Variants in PSEN1 observed in about 807,000 individuals in gnomAD.
PSEN1 encodes the protein presenilin-1.
In PSEN1, 15 loss-of-function variants were observed where a neutral mutation model predicts 53.5. That is an observed-to-expected ratio of 0.28 (90% CI 0.19 to 0.43). The LOEUF is 0.43. Ranked by LOEUF, PSEN1 falls within the 20% of genes least tolerant of loss-of-function variation. The pLI is 1.00. For missense variants in PSEN1, 387 were observed against 571.2 expected (o/e 0.68, Z 3.29); for synonymous variants, 208 against 209.8 (o/e 0.99, Z 0.08).
intron 8 of PSEN1, among the ~76,000 whole-genome samples, chr14:73,204,962 C>T (rs1008350203): frequency 6.6e-6 from 1 of 152,134 alleles, no homozygotes; most frequent in Non-Finnish European, 1.5e-5. Context: ...TTTAGTTAAA[C>T]AGTGTATTGC....
intron 5 of PSEN1, among the ~76,000 whole-genome samples, chr14:73,177,190 A>T (rs1898070597): frequency 6.6e-6 from 1 of 152,176 alleles, no homozygotes; most frequent in Non-Finnish European, 1.5e-5. Flanking sequence ...ATTATATTTT[A>T]ATCTCATGGT....
chr14:73,192,278 A>T (rs1898751044), intron 6 of PSEN1, among the ~76,000 whole-genome samples: 1 of 152,046 alleles, frequency 6.6e-6, no homozygotes, highest in Non-Finnish European at 1.5e-5. Flanking sequence ...TCTGTACAAA[A>T]AAAATTAGAA....
rs574528005 is a variant in PSEN1 at position 73,184,670 on chromosome 14, C to T, written c.481-2183C>T. Among the ~76,000 whole-genome samples, 67 of 64,374 alleles carry T rather than the reference C, an allele frequency of 1.0e-3. 1 individual carries two copies. The South Asian group carries it at 0.023, about 22-fold the overall frequency. The allele number at this position is 64,374 out of a possible 152,430, so 42.2% of individuals were successfully genotyped here. ...CTGACCCCCCCACCTCCCTCCCGGACGGAGCGGCTGGCGGGGCGGGGGGCT... is the reference window on the plus strand; with the variant it reads ...CTGACCCCCCCACCTCCCTCCCGGATGGAGCGGCTGGCGGGGCGGGGGGCT... On this transcript the variant is annotated intron_variant, in intron 5 of 11. Transcript: ENST00000324501.
At chr14:73,153,544 A>C (rs1330981165) in intron 3 of PSEN1, among the ~76,000 whole-genome samples, 1 of 152,120 alleles carries the variant, frequency 6.6e-6, no homozygotes, top group Non-Finnish European at 1.5e-5. Flanking sequence ...AATGTTTTCA[A>C]GTTTTCCACT....
intron 6 of PSEN1, among the ~76,000 whole-genome samples, chr14:73,190,844 T>C (rs1387568634): frequency 6.6e-6 from 1 of 152,248 alleles, no homozygotes; most frequent in African/African-American, 2.4e-5. Context: ...CAAAGATTAA[T>C]AAATAGATTG....
intron 1 of PSEN1, among the ~76,000 whole-genome samples, chr14:73,147,146 C>T (rs980305665): frequency 2.0e-5 from 3 of 151,956 alleles, no homozygotes; most frequent in African/African-American, 7.3e-5. Flanking sequence ...CCACCACACC[C>T]GGCTAATTTT....
chr14:73,202,460 A>C (rs1206202412), intron 8 of PSEN1, among the ~76,000 whole-genome samples: 1 of 12,162 alleles, frequency 8.2e-5, no homozygotes, highest in Non-Finnish European at 1.2e-4. Context: ...ATATATATAT[A>C]TATTTTTTTT....
rs73305016 is a variant in PSEN1, at chr14:73,143,063, A to C, written c.-135-4732A>C. ...GGGCTAAGAATGTTCATGGCTAAGA[A>C]TGTTAAAAAGTCTCCTAGTGTCTTT... On this transcript the variant is annotated intron_variant, in intron 1 of 11. Coordinates refer to ENST00000324501, the MANE Select transcript of PSEN1 (RefSeq NM_000021.4). Among the ~76,000 whole-genome samples, 743 of 152,322 alleles carry C rather than the reference A, an allele frequency of 4.9e-3. 5 individuals are homozygous for C. The highest frequency in any genetic ancestry group is 0.016 in the African/African-American group (683 of 41,574).
In PSEN1 at chr14:73,170,826, C is replaced by CGACAGACG; in HGVS notation, c.120_127dup (p.Ser43ThrfsTer34). Reference sequence around the variant, plus strand: ...ACAATAGAGAACGGCAGGAGCACAACGACAGACGGAGCCTTGGCCACCCTG... The same window carrying CGACAGACG: ...ACAATAGAGAACGGCAGGAGCACAACGACAGACGGACAGACGGAGCCTTGGCCACCCTG... On this transcript the variant is annotated frameshift_variant, in exon 4 of 12. Transcript: ENST00000324501. LOFTEE classifies it high-confidence loss of function. The CGACAGACG allele has an allele frequency of 6.2e-7, 1 of 1,613,286 alleles. No homozygotes were observed. Among genetic ancestry groups the CGACAGACG allele is most frequent in the Non-Finnish European group, 8.5e-7 (1 of 1,179,212 alleles).
chr14:73,178,772 T>C (rs1362940572), intron 5 of PSEN1, among the ~76,000 whole-genome samples: 3 of 152,236 alleles, frequency 2.0e-5, no homozygotes, highest in African/African-American at 2.4e-5. Flanking sequence ...CCCTTACTTC[T>C]TGGAGCATTT....
At chr14:73,163,214 C>T (rs1256757777) in intron 3 of PSEN1, among the ~76,000 whole-genome samples, 2 of 152,194 alleles carry the variant, frequency 1.3e-5, no homozygotes, top group African/African-American at 4.8e-5. Flanking sequence ...AAAATTCCCT[C>T]CCAGGCACAC....
intron 6 of PSEN1, chr14:73,189,863 T>G (rs1898651746): frequency 4.3e-6 from 1 of 235,086 alleles, no homozygotes; most frequent in South Asian, 5.4e-5. Context: ...CAAGAAGCCC[T>G]TGACCTTTAC....
chr14:73,147,871 A>C lies in PSEN1; in HGVS notation c.-59A>C. The C allele has an allele frequency of 1.4e-6, 1 of 705,486 alleles. No homozygotes were observed. The highest frequency in any genetic ancestry group is 2.5e-6 in the Non-Finnish European group (1 of 400,322). The allele number at this position is 705,486 out of a possible 1,614,324, so 43.7% of individuals were successfully genotyped here. A position where few individuals can be genotyped will look rare whatever the true frequency, so the allele number is the denominator to read the frequency against. ...CTTGGCCTGGAGGAGAACACATGAA[A>C]GAAAGGTTTGTTTCTGCTTAATGTA... is the stretch of plus-strand genomic sequence containing the variant. On this transcript the variant is annotated 5_prime_UTR_variant, in exon 2 of 12. Transcript: ENST00000324501.
At chr14:73,170,668 A>G in intron 3 of PSEN1, 129 bp from the exon 4 acceptor site, 1 of 953,176 alleles carries the variant, frequency 1.0e-6, no homozygotes, top group Non-Finnish European at 1.6e-6. Context: ...TACTTCCTGT[A>G]CATTGTTTTT....
chr14:73,182,740 A>AAG (rs1898259428), intron 5 of PSEN1, among the ~76,000 whole-genome samples: 1 of 151,810 alleles, frequency 6.6e-6, no homozygotes, highest in Non-Finnish European at 1.5e-5. Flanking sequence ...TCGGGAGGCT[A>AAG]AGGCAGGAGA....
intron 3 of PSEN1, chr14:73,168,478 C>T (rs1267654648): frequency 6.6e-6 from 1 of 152,142 alleles, no homozygotes; most frequent in Non-Finnish European, 1.5e-5. Flanking sequence ...GAAATACAAG[C>T]CACTGAGTGT....
In PSEN1 at chr14:73,192,806, T is replaced by C. The variant is rs750352441; in HGVS notation, c.711T>C (p.Phe237=). ...TTAGTGCCCTCATGGCCCTGGTGTT[T>C]ATCAAGTACCTCCCTGAATGGACTG... The part of the protein sequence containing the change: ...IMISALMALV[F]IKYLPEWTAW... The change falls in exon 7 of 12, where the codon TTT becomes TTC. Residue 237 remains phenylalanine, a synonymous_variant. Transcript: ENST00000324501. 2.3e-5 allele frequency: 37 copies of C among 1,614,102 alleles called. No individual in the cohort carries two copies. The African/African-American group carries it at 3.9e-4, about 17-fold the overall frequency.
At chr14:73,191,068 T>C (rs1401042584) in intron 6 of PSEN1, among the ~76,000 whole-genome samples, 1 of 152,212 alleles carries the variant, frequency 6.6e-6, no homozygotes, top group Non-Finnish European at 1.5e-5. Flanking sequence ...GCAATCTCTT[T>C]GTTGTTAGAT....
chr14:73,187,242 A>G (rs1459559703), intron 6 of PSEN1, among the ~76,000 whole-genome samples: 2 of 152,246 alleles, frequency 1.3e-5, no homozygotes, highest in Non-Finnish European at 2.9e-5. Flanking sequence ...TATAAAAACC[A>G]AAATAATTGA....
Sources: gnomAD v4.1 joint callset for allele counts (sites outside exome capture counted in the v4.1 genomes callset) on GRCh38, gnomAD v4.1.1 for gene constraint, MANE v1.5 for transcripts, NCBI Gene and HGNC (gene_info 2026-07-23, HGNC 2026-07-21) for gene names.